Variants in CDC45 observed in about 807,000 individuals in gnomAD.
CDC45 encodes the protein cell division cycle 45.
CDC45 carries 54 observed loss-of-function variants against 77.8 expected under a neutral mutation model. The ratio of observed to expected loss-of-function variants is 0.69; its 90% CI spans 0.56 to 0.87. CDC45 has a LOEUF of 0.87. CDC45 is among the 40% of genes least tolerant of loss of function. The pLI is 0.00. For missense variants in CDC45, 649 were observed against 721.6 expected (o/e 0.90, Z 1.15); for synonymous variants, 260 against 272.1 (o/e 0.96, Z 0.44).
At position 19,482,892 on chromosome 22, in the gene CDC45, G is replaced by A; in HGVS notation, c.342+65G>A. ...TATGCCATGTACAATGTCTCACCTGGTGTTCTTGGTAAGGTGTGTGTCTGA... is the reference window on the plus strand; with the variant it reads ...TATGCCATGTACAATGTCTCACCTGATGTTCTTGGTAAGGTGTGTGTCTGA... On this transcript the variant is annotated intron_variant, in intron 4 of 18. Transcript: ENST00000263201. The A allele has an allele frequency of 3.4e-6, 5 of 1,476,006 alleles. 1 individual carries two copies. The South Asian group carries it at 5.8e-5, about 17-fold the overall frequency. 91.4% of individuals were successfully genotyped at this position (1,476,006 alleles called of 1,614,324 possible).
In CDC45 at chr22:19,508,626, G is replaced by A; in HGVS notation, c.1152G>A (p.Met384Ile). Residue 384 changes from methionine (M) to isoleucine (I), a missense_variant, in exon 13 of 19, where the codon ATG becomes ATA. Physicochemically the swap from Met to Ile is conservative, Grantham distance 10. Transcript: ENST00000263201. ...SDVVFATMSL[M>I]ESPEKDGSGT... Reference sequence around the variant, plus strand: ...TGGTCTTTGCCACCATGTCTTTGATGGAGAGCCCCGAGAAGGATGGCTCAG... The same window carrying A: ...TGGTCTTTGCCACCATGTCTTTGATAGAGAGCCCCGAGAAGGATGGCTCAG... The A allele has an allele frequency of 6.2e-7, 1 of 1,614,214 alleles. No homozygotes were observed. Among genetic ancestry groups the A allele is most frequent in the Non-Finnish European group, 8.5e-7 (1 of 1,180,026 alleles).
intron 7 of CDC45, 122 bp downstream of exon 7, chr22:19,496,151 T>G: frequency 1.4e-6 from 1 of 714,692 alleles, no homozygotes; most frequent in Non-Finnish European, 2.5e-6. Flanking sequence ...GAGCTCCATG[T>G]CTTCCCCCTG....
At chr22:19,505,731 C>T (rs965791864) in intron 10 of CDC45, among the ~76,000 whole-genome samples, 5 of 152,236 alleles carry the variant, frequency 3.3e-5, no homozygotes, top group Non-Finnish European at 7.3e-5. Flanking sequence ...TTATTGTGGG[C>T]CTGGCTCTGG....
intron 6 of CDC45, chr22:19,494,638 C>T (rs1042466048): frequency 1.5e-6 from 2 of 1,358,838 alleles, no homozygotes; most frequent in Middle Eastern, 1.9e-4. Flanking sequence ...GGCCCTGGCT[C>T]TTTATTTTTA....
intron 10 of CDC45, 35 bp from the exon 11 acceptor site, chr22:19,507,351 G>T (rs1158908989): frequency 2.5e-6 from 4 of 1,606,902 alleles, no homozygotes; most frequent in Non-Finnish European, 2.6e-6. Flanking sequence ...AGGGCGGCCA[G>T]TGGGTGCTTG....
In CDC45 at chr22:19,499,130, G is replaced by C; in HGVS notation, c.683G>C (p.Trp228Ser). 6.2e-7 allele frequency: 1 copy of C among 1,614,130 alleles called. No homozygotes were observed. Among genetic ancestry groups the C allele is most frequent in the East Asian group, 2.2e-5 (1 of 44,870 alleles). The change falls in exon 9 of 19, where the codon TGG becomes TCG. Residue 228 changes from tryptophan to serine, a missense_variant. Transcript: ENST00000263201. Reference sequence around the variant, plus strand: ...GCCATCGTTGGACTAACAGACCAGTGGGTGCAAGACAAGATCACTCAGTAA... The same window carrying C: ...GCCATCGTTGGACTAACAGACCAGTCGGTGCAAGACAAGATCACTCAGTAA... Reference protein sequence around the residue: ...WWAIVGLTDQWVQDKITQMKY... With the variant: ...WWAIVGLTDQSVQDKITQMKY...
chr22:19,504,033 C>T (rs1013803404), intron 9 of CDC45, among the ~76,000 whole-genome samples: 15 of 152,260 alleles, frequency 9.9e-5, no homozygotes, highest in African/African-American at 3.6e-4. Context: ...GGGCTTGTCT[C>T]TGGGTCCTTC....
chr22:19,488,884 C>G (rs1342976738), intron 5 of CDC45, among the ~76,000 whole-genome samples: 1 of 152,108 alleles, frequency 6.6e-6, no homozygotes, highest in Non-Finnish European at 1.5e-5. Flanking sequence ...TATACTTTGC[C>G]CAGCTTCCCC....
chr22:19,507,614 G>A (rs1450504377), intron 11 of CDC45, 97 bp downstream of exon 11: 9 of 1,501,840 alleles, frequency 6.0e-6, no homozygotes, highest in Non-Finnish European at 9.2e-7. Context: ...ATAAAATGCA[G>A]CCTGTTCTGC....
intron 15 of CDC45, among the ~76,000 whole-genome samples, chr22:19,515,865 A>G (rs964655073): frequency 3.3e-5 from 5 of 152,148 alleles, no homozygotes; most frequent in African/African-American, 1.2e-4. Context: ...CCATTCATTT[A>G]CCAGACATGT....
intron 8 of CDC45, 38 bp from the exon 9 acceptor site, chr22:19,499,063 G>A: frequency 1.2e-6 from 2 of 1,608,360 alleles, no homozygotes; most frequent in Non-Finnish European, 1.7e-6. Flanking sequence ...GAGCCCAGGT[G>A]GGCTATAGGC....
At chr22:19,496,860 C>T (rs780072710) in intron 7 of CDC45, among the ~76,000 whole-genome samples, 4 of 152,142 alleles carry the variant, frequency 2.6e-5, no homozygotes, top group Admixed American at 6.6e-5. Context: ...ATGTGGACAG[C>T]CCTGTTGGAA....
intron 9 of CDC45, 74 bp from the exon 10 acceptor site, chr22:19,505,288 A>G (rs1469609232): frequency 1.3e-6 from 2 of 1,596,882 alleles, no homozygotes; most frequent in East Asian, 4.5e-5. Flanking sequence ...TTGAGCGGGA[A>G]TGGAGCCTAG....
At chr22:19,499,387 A>C (rs920964835) in intron 9 of CDC45, among the ~76,000 whole-genome samples, 2 of 151,994 alleles carry the variant, frequency 1.3e-5, no homozygotes, top group African/African-American at 4.8e-5. Flanking sequence ...CAGCCTCCCC[A>C]GTTCTCTCCC....
At chr22:19,518,144 C>G (rs1933904026) in intron 17 of CDC45, among the ~76,000 whole-genome samples, 3 of 152,226 alleles carry the variant, frequency 2.0e-5, no homozygotes. Flanking sequence ...CACCCACTGG[C>G]CTGCAGAATA....
chr22:19,480,161 G>T lies in CDC45; in HGVS notation c.55G>T (p.Val19Phe). 1 of 1,614,062 alleles carries T rather than the reference G, an allele frequency of 6.2e-7. No individual in the cohort carries two copies. Among genetic ancestry groups the T allele is most frequent in the South Asian group, 1.1e-5 (1 of 91,086 alleles). Residue 19 changes from valine to phenylalanine, a missense_variant, in exon 2 of 19, where the codon GTC becomes TTC. Coordinates refer to ENST00000263201, the MANE Select transcript of CDC45 (RefSeq NM_003504.5). ...EFYEVVQSQR[V>F]LLFVASDVDA... is the part of the protein sequence containing the mutation. Reference sequence around the variant, plus strand: ...CCGGTCTGCTCTTCCCCGATAGAGGGTCCTTCTCTTCGTGGCCTCGGACGT... The same window carrying T: ...CCGGTCTGCTCTTCCCCGATAGAGGTTCCTTCTCTTCGTGGCCTCGGACGT...
chr22:19,508,440 G>A (rs1297342316), intron 12 of CDC45, 90 bp from the exon 13 acceptor site: 2 of 1,367,356 alleles, frequency 1.5e-6, no homozygotes, highest in Non-Finnish European at 2.1e-6. Context: ...ACTTGGGCCT[G>A]TGAGGGACAT....
Position 19,520,466 on chromosome 22 carries a change from T to C in CDC45, c.*2-15T>C, listed in dbSNP as rs1051672993. The C allele has an allele frequency of 2.0e-5, 3 of 152,254 alleles. No homozygotes were observed. Among genetic ancestry groups the C allele is most frequent in the Non-Finnish European group, 4.4e-5 (3 of 68,048 alleles). 9.4% of individuals were successfully genotyped at this position (152,254 alleles called of 1,614,324 possible). A position where few individuals can be genotyped will look rare whatever the true frequency, so the allele number is the denominator to read the frequency against. On this transcript the variant is annotated splice_polypyrimidine_tract_variant and intron_variant, in intron 18 of 18. Transcript: ENST00000263201. This position sits in a 1 kb window ranked among gnomAD's most constrained non-coding sequence, Gnocchi z 4.5. ...ACATCGTTTGAAACTTGTTTTTTCT[T>C]GTTTTGTTTTCTAGAATTTGATTCT...
chr22:19,485,884 C>A (rs146167505), intron 5 of CDC45, among the ~76,000 whole-genome samples: 31 of 152,228 alleles, frequency 2.0e-4, no homozygotes, highest in African/African-American at 6.5e-4. Context: ...TGAGAACAGC[C>A]TGGGCAACAT....
Sources: gnomAD v4.1 joint callset for allele counts (sites outside exome capture counted in the v4.1 genomes callset) on GRCh38, gnomAD v4.1.1 for gene constraint, Gnocchi (gnomAD v3.1) non-coding constraint, MANE v1.5 for transcripts, NCBI Gene and HGNC (gene_info 2026-07-23, HGNC 2026-07-21) for gene names.